Variants in VWF observed in about 807,000 individuals in gnomAD.
The protein encoded by VWF is Factor VIII related antigen.
Under a neutral mutation model 308.6 loss-of-function variants are expected in VWF, and 176 were observed. The ratio of observed to expected loss-of-function variants is 0.57; its 90% confidence interval spans 0.50 to 0.65. The LOEUF is 0.65. Among genes scored for constraint, VWF ranks in the 30% least tolerant of loss-of-function variants. The probability of loss-of-function intolerance (pLI) is 0.00; values close to 1 mark genes in which losing one functional copy is unlikely to be tolerated. For missense variants in VWF, 3,146 were observed against 3,648.2 expected, an observed-to-expected ratio of 0.86 and a Z score of 3.55; for synonymous variants, 1,385 against 1,443.4, an observed-to-expected ratio of 0.96 and a Z score of 0.92.
chr12:6,010,692 C>A (rs779233887), intron 34 of VWF, among the ~76,000 whole-genome samples: 3 of 152,176 alleles, frequency 2.0e-5, no homozygotes, highest in Non-Finnish European at 4.4e-5. Flanking sequence ...GAAATGACAT[C>A]GAGTAATTTC....
chr12:5,958,429 C>A (rs1017598025), intron 47 of VWF, among the ~76,000 whole-genome samples: 9 of 152,106 alleles, frequency 5.9e-5, no homozygotes, highest in African/African-American at 2.2e-4. Flanking sequence ...GCTTCATGCC[C>A]GTAATATCAG....
chr12:6,060,858 G>C lies in VWF; in HGVS notation c.1533+2096C>G, dbSNP rs1272752795. Among the ~76,000 whole-genome samples the C allele has an allele frequency of 6.6e-6, 1 of 152,164 alleles. No individual in the cohort carries two copies. Among genetic ancestry groups the C allele is most frequent in the African/African-American group, 2.4e-5 (1 of 41,434 alleles). ...CGGCCCTGCTGATCAAGGGGAGAAA[G>C]TGCATGGGTGGAGAGCACCCTCTCT... is the stretch of plus-strand genomic sequence containing the variant. On this transcript the variant is annotated intron_variant, in intron 13 of 51. Coordinates refer to ENST00000261405, the MANE Select transcript of VWF (RefSeq NM_000552.5). The surrounding 1 kb of genome is among the most constrained non-coding windows in gnomAD (Gnocchi z 5.1).
rs1943780939 is a variant in VWF, at chr12:5,994,197, C to G, written c.6263G>C (p.Cys2088Ser). ...ASKTYGLCGI[C>S]DENGANDFML... ...GAAGTCATTGGCTCCGTTCTCATCA[C>G]AGATCCCTAGAGAAACAAACAAACA... Residue 2088 changes from cysteine (C) to serine (S), a missense_variant, in exon 37 of 52, where the codon TGT becomes TCT. Physicochemically the swap from Cys to Ser is moderately radical, Grantham distance 112 (BLOSUM62 -1). Coordinates refer to ENST00000261405, the MANE Select transcript of VWF (RefSeq NM_000552.5). 2.5e-6 allele frequency: 4 copies of G among 1,614,096 alleles called. No homozygotes were observed. The highest frequency in any genetic ancestry group is 3.4e-6 in the Non-Finnish European group (4 of 1,180,038).
chr12:5,951,091 A>G (rs945672859), intron 50 of VWF, among the ~76,000 whole-genome samples: 1 of 152,176 alleles, frequency 6.6e-6, no homozygotes, highest in African/African-American at 2.4e-5. Context: ...CTAATCTAAA[A>G]CAAAAAATCT....
intron 15 of VWF, among the ~76,000 whole-genome samples, chr12:6,054,702 G>T (rs956476879): frequency 2.0e-5 from 3 of 152,184 alleles, no homozygotes; most frequent in Non-Finnish European, 4.4e-5. Flanking sequence ...AAAAATGTGT[G>T]TGCTTCTCAT....
chr12:5,968,909 G>A (rs760293317), intron 45 of VWF, among the ~76,000 whole-genome samples: 6 of 152,280 alleles, frequency 3.9e-5, no homozygotes, highest in East Asian at 1.9e-4. Flanking sequence ...TGTTGGCAGC[G>A]TTGGGGTGGC....
At chr12:5,998,964 T>C (rs759659984) in intron 34 of VWF, among the ~76,000 whole-genome samples, 25 of 152,144 alleles carry the variant, frequency 1.6e-4, no homozygotes, top group Non-Finnish European at 3.1e-4. Flanking sequence ...CCTGACCTCG[T>C]GATCTGCCTT....
intron 8 of VWF, among the ~76,000 whole-genome samples, chr12:6,072,870 CTTT>C (rs11386491): frequency 2.7e-5 from 4 of 146,360 alleles, no homozygotes; most frequent in Non-Finnish European, 6.0e-5. Flanking sequence ...CTCTCAATAA[CTTT>C]TTTTTTTTTT....
intron 3 of VWF, among the ~76,000 whole-genome samples, chr12:6,112,058 A>C (rs762293120): frequency 2.0e-5 from 3 of 152,222 alleles, no homozygotes; most frequent in African/African-American, 7.2e-5. Context: ...GAGATTCATG[A>C]GCTCCACCTA....
At chr12:6,050,423 C>T in intron 16 of VWF, among the ~76,000 whole-genome samples, 1 of 152,174 alleles carries the variant, frequency 6.6e-6, no homozygotes, top group African/African-American at 2.4e-5. Flanking sequence ...CTCCCAAAAC[C>T]CACCCCCTGA....
At chr12:5,959,513 A>T (rs1210965483) in intron 47 of VWF, among the ~76,000 whole-genome samples, 1 of 152,240 alleles carries the variant, frequency 6.6e-6, no homozygotes, top group Non-Finnish European at 1.5e-5. Flanking sequence ...AGAACTGCAG[A>T]GCATACATTC....
intron 38 of VWF, 99 bp downstream of exon 38, chr12:5,991,720 G>C (rs1466761879): frequency 1.1e-5 from 14 of 1,330,560 alleles, no homozygotes; most frequent in Non-Finnish European, 1.5e-5. Context: ...AGTCAACCCT[G>C]CTGCCACAGT....
intron 4 of VWF, 137 bp from the exon 5 acceptor site, chr12:6,110,719 G>A: frequency 1.6e-6 from 2 of 1,288,228 alleles, no homozygotes; most frequent in South Asian, 1.2e-5. Flanking sequence ...TCAGCAATCG[G>A]GAGAGCTGGC....
intron 6 of VWF, among the ~76,000 whole-genome samples, chr12:6,093,208 C>T (rs772644561): frequency 6.6e-6 from 1 of 152,048 alleles, no homozygotes; most frequent in Admixed American, 6.6e-5. Context: ...CGGGGCACAG[C>T]GTAGGTGTCG....
chr12:6,047,969 G>A (rs1944465114), intron 16 of VWF, among the ~76,000 whole-genome samples: 2 of 152,236 alleles, frequency 1.3e-5, no homozygotes, highest in Admixed American at 6.5e-5. Flanking sequence ...GATAGCAGGT[G>A]TGAATACCTG....
chr12:6,005,373 G>C (rs1160372442), intron 34 of VWF, among the ~76,000 whole-genome samples: 1 of 152,096 alleles, frequency 6.6e-6, no homozygotes, highest in African/African-American at 2.4e-5. Flanking sequence ...ATATTAACAT[G>C]TCAATAAATA....
At chr12:5,985,887 A>T (rs748569271) in intron 38 of VWF, among the ~76,000 whole-genome samples, 1 of 152,196 alleles carries the variant, frequency 6.6e-6, no homozygotes, top group Non-Finnish European at 1.5e-5. Flanking sequence ...AACATGCGGA[A>T]ATTTTCACTA....
Position 6,019,213 on chromosome 12 carries a change from T to G in VWF, c.4205A>C (p.Gln1402Pro). 1 of 1,613,916 alleles carries G rather than the reference T, an allele frequency of 6.2e-7. No individual in the cohort carries two copies. Among genetic ancestry groups the G allele is most frequent in the Non-Finnish European group, 8.5e-7 (1 of 1,179,842 alleles). ...RMSRNFVRYV[Q>P]GLKKKKVIVI... ...AATGACCTTCTTCTTCTTCAGGCCC[T>G]GGACGTAGCGGACAAAGTTCCGGGA... Residue 1402 changes from glutamine (Q) to proline (P), a missense_variant, in exon 28 of 52, where the codon CAG (glutamine) becomes CCG (proline). Transcript: ENST00000261405. This position sits in a 1 kb window ranked among gnomAD's most constrained non-coding sequence, Gnocchi z 5.8.
intron 33 of VWF, 132 bp from the exon 34 acceptor site, chr12:6,011,926 C>T (rs1944000085): frequency 8.1e-7 from 1 of 1,235,518 alleles, no homozygotes; most frequent in African/African-American, 1.5e-5. Context: ...GTACATGAGA[C>T]AGGAAGCAAA....
Sources: allele counts gnomAD v4.1 joint callset (sites outside exome capture counted in the v4.1 genomes callset), GRCh38; gene constraint gnomAD v4.1.1; non-coding constraint Gnocchi (gnomAD v3.1); transcripts MANE v1.5; gene names NCBI Gene and HGNC (gene_info 2026-07-23, HGNC 2026-07-21).